TTC1: variants seen among roughly 807,000 people sequenced by gnomAD.
TTC1 encodes tetratricopeptide repeat domain 1, also known as tetratricopeptide repeat protein 1.
TTC1 carries 31 observed loss-of-function variants against 37.6 expected under a neutral mutation model. The ratio of observed to expected loss-of-function variants is 0.82; its 90% CI spans 0.62 to 1.11. The LOEUF (loss-of-function observed/expected upper bound fraction) is 1.11, where lower values mean the gene tolerates loss of function less well. Ranked by LOEUF, TTC1 falls within the 50% of genes most tolerant of loss-of-function variation. TTC1 has a pLI of 0.00. For missense variants in TTC1, 351 were observed against 339.0 expected (o/e 1.04, Z -0.28); for synonymous variants, 127 against 122.4 (o/e 1.04, Z -0.25).
intron 2 of TTC1, among the ~76,000 whole-genome samples, chr5:160,025,130 T>A (rs1561627806): frequency 1.3e-5 from 2 of 152,216 alleles, no homozygotes; most frequent in Non-Finnish European, 1.5e-5. Context: ...CAGGTTCTGG[T>A]GATTCTCCTG....
Position 160,050,760 on chromosome 5 carries a change from C to T in TTC1, c.691-369C>T, listed in dbSNP as rs533667676. Among the ~76,000 whole-genome samples, 12 of 151,604 alleles carry T rather than the reference C, an allele frequency of 7.9e-5. No individual in the cohort carries two copies. In the East Asian group the frequency reaches 1.7e-3, roughly 22 times the overall value. ...CCCACCTCAGCCTCCTGAGTAGCTG[C>T]GACTACAGACACATGCCAACACACC... On this transcript the variant is annotated intron_variant, in intron 6 of 7. Transcript: ENST00000231238.
Position 160,049,615 on chromosome 5 carries a change from A to G in TTC1, c.643A>G (p.Ile215Val), listed in dbSNP as rs755988160. ...TGAAGCCCTGGAAGACTATAAATCT[A>G]TATTAGAAAAAGATCCATCAATACA... is the stretch of plus-strand genomic sequence containing the variant. ...LDEALEDYKS[I>V]LEKDPSIHQA... is the part of the protein sequence containing the mutation. The change falls in exon 6 of 8, where the codon ATA (isoleucine) becomes GTA (valine). Residue 215 changes from isoleucine to valine, a missense_variant. By Grantham distance (29) the Ile-to-Val change is conservative. Transcript: ENST00000231238. 20 of 1,606,966 alleles carry G rather than the reference A, an allele frequency of 1.2e-5. No homozygotes were observed. Among genetic ancestry groups the G allele is most frequent in the Non-Finnish European group, 1.5e-5 (18 of 1,177,686 alleles).
chr5:160,041,162 C>T (rs1430378232), intron 4 of TTC1, among the ~76,000 whole-genome samples: 3 of 152,066 alleles, frequency 2.0e-5, no homozygotes, highest in Non-Finnish European at 2.9e-5. Flanking sequence ...TTCCATACTT[C>T]CGATAGGACC....
chr5:160,041,880 T>C (rs1757102245), intron 4 of TTC1, among the ~76,000 whole-genome samples: 2 of 152,228 alleles, frequency 1.3e-5, no homozygotes, highest in African/African-American at 4.8e-5. Flanking sequence ...CACCACTATC[T>C]AGTTCCAGAA....
intron 4 of TTC1, among the ~76,000 whole-genome samples, chr5:160,042,213 A>T (rs1757111447): frequency 6.6e-6 from 1 of 152,248 alleles, no homozygotes; most frequent in Non-Finnish European, 1.5e-5. Context: ...TACAGGCATG[A>T]GCCGCTGCGT....
At chr5:160,059,293 G>A (rs1188960524) in intron 7 of TTC1, among the ~76,000 whole-genome samples, 4 of 152,200 alleles carry the variant, frequency 2.6e-5, no homozygotes, top group Admixed American at 2.6e-4. Flanking sequence ...GTCAGCCTTT[G>A]CTGCTTCACT....
chr5:160,010,699 G>A lies in TTC1; in HGVS notation c.171G>A (p.Gln57=), dbSNP rs150711044. Reference sequence around the variant, plus strand: ...ATGAGGCCCATCTCCAGGAGGACCAGGGAGAAGAGGAGTGTTTTCATGACT... The same window carrying A: ...ATGAGGCCCATCTCCAGGAGGACCAAGGAGAAGAGGAGTGTTTTCATGACT... ...RDDEAHLQED[Q]GEEECFHDCS... Residue 57 remains glutamine, a synonymous_variant, in exon 2 of 8, where the codon CAG becomes CAA. Coordinates refer to ENST00000231238, the MANE Select transcript of TTC1 (RefSeq NM_003314.3). 6 of 1,613,690 alleles carry A rather than the reference G, an allele frequency of 3.7e-6. No individual in the cohort carries two copies. The African/African-American group carries it at 8.0e-5, about 22-fold the overall frequency.
At chr5:160,043,291 CT>C (rs1757134326) in intron 5 of TTC1, 122 bp downstream of exon 5, 1 of 881,168 alleles carries the variant, frequency 1.1e-6, no homozygotes, top group Non-Finnish European at 1.7e-6. Context: ...CAAGAGGCAA[CT>C]TTATAATTAT....
At chr5:160,022,435 A>T (rs36122894) in intron 2 of TTC1, among the ~76,000 whole-genome samples, 1 of 152,170 alleles carries the variant, frequency 6.6e-6, no homozygotes, top group African/African-American at 2.4e-5. Context: ...TTTGTTGTCA[A>T]TTAAAAAATT....
chr5:160,009,309 C>A (rs1033086900), intron 1 of TTC1, 116 bp downstream of exon 1: 1 of 152,202 alleles, frequency 6.6e-6, no homozygotes, highest in Admixed American at 6.5e-5. Flanking sequence ...CTCCTGTGTT[C>A]TTCCAGTAGA....
At chr5:160,018,882 A>G (rs1756652674) in intron 2 of TTC1, among the ~76,000 whole-genome samples, 1 of 152,148 alleles carries the variant, frequency 6.6e-6, no homozygotes, top group South Asian at 2.1e-4. Context: ...TTTGGGATAT[A>G]TTTCAGAGGT....
intron 4 of TTC1, among the ~76,000 whole-genome samples, chr5:160,040,714 G>A (rs1757072653): frequency 2.6e-5 from 4 of 151,772 alleles, no homozygotes; most frequent in Admixed American, 2.6e-4. Context: ...CAGCAGCTGG[G>A]TAGCTGGGAC....
At chr5:160,021,366 T>C (rs959960687) in intron 2 of TTC1, among the ~76,000 whole-genome samples, 1 of 152,196 alleles carries the variant, frequency 6.6e-6, no homozygotes, top group Non-Finnish European at 1.5e-5. Flanking sequence ...AAGAACTGAA[T>C]AGGAGGTTTT....
At chr5:160,013,540 C>G (rs1850967) in intron 2 of TTC1, among the ~76,000 whole-genome samples, 1 of 151,546 alleles carries the variant, frequency 6.6e-6, no homozygotes, top group Non-Finnish European at 1.5e-5. Flanking sequence ...GTCAGGAATT[C>G]GAGACCAGCC....
chr5:160,045,520 A>ACACACACACACT (rs1202139318), intron 5 of TTC1, among the ~76,000 whole-genome samples: 9 of 54,902 alleles, frequency 1.6e-4, no homozygotes, highest in Non-Finnish European at 1.6e-4. Context: ...ACACATACAC[A>ACACACACACACT]CTCTCTCTCT....
rs1195412551 is a variant in TTC1 at position 160,045,510 on chromosome 5, ACACATACACACT to A, written c.541+2343_541+2354del. Among the ~76,000 whole-genome samples, 42 of 58,568 alleles carry A rather than the reference ACACATACACACT, an allele frequency of 7.2e-4. 1 individual carries two copies. The highest frequency in any genetic ancestry group is 8.7e-4 in the Non-Finnish European group (27 of 30,926). The allele number at this position is 58,568 out of a possible 152,430, so 38.4% of individuals were successfully genotyped here. ...CACACACACACACACACACACACAC[ACACATACACACT>A]CTCTCTCTCTCTCTCTCTCTCTCTC... is the stretch of plus-strand genomic sequence containing the variant. On this transcript the variant is annotated intron_variant, in intron 5 of 7. Coordinates refer to ENST00000231238, the MANE Select transcript of TTC1 (RefSeq NM_003314.3).
At chr5:160,013,160 CTACTT>C (rs1473151033) in intron 2 of TTC1, among the ~76,000 whole-genome samples, 1 of 152,152 alleles carries the variant, frequency 6.6e-6, no homozygotes, top group Non-Finnish European at 1.5e-5. Context: ...GCCACTGACT[CTACTT>C]TAAGGAAACA....
intron 6 of TTC1, among the ~76,000 whole-genome samples, chr5:160,050,884 C>G (rs1159546755): frequency 6.6e-6 from 1 of 152,002 alleles, no homozygotes; most frequent in Non-Finnish European, 1.5e-5. Context: ...ACTCGGCCTC[C>G]AAAAGTGCTG....
chr5:160,052,940 T>TA (rs1757441537), intron 7 of TTC1, among the ~76,000 whole-genome samples: 1 of 152,256 alleles, frequency 6.6e-6, no homozygotes. Context: ...TATGTGTTGT[T>TA]ACACATGTGT....
Sources: gnomAD v4.1 joint callset for allele counts (sites outside exome capture counted in the v4.1 genomes callset) on GRCh38, gnomAD v4.1.1 for gene constraint, MANE v1.5 for transcripts, NCBI Gene and HGNC (gene_info 2026-07-23, HGNC 2026-07-21) for gene names.